Variants in PCED1B observed in about 807,000 individuals in gnomAD.
PCED1B encodes the protein PC-esterase domain-containing protein 1B.
For synonymous variants in PCED1B, 251 were observed against 246.1 expected, an observed-to-expected ratio of 1.02 and a Z score of -0.19; for missense variants, 573 against 573.9, an observed-to-expected ratio of 1.00 and a Z score of 0.02.
chr12:47,092,471 A>T (rs1009707824), intron 1 of PCED1B, among the ~76,000 whole-genome samples: 3 of 152,020 alleles, frequency 2.0e-5, no homozygotes, highest in African/African-American at 7.2e-5. Flanking sequence ...TCTGGAAATG[A>T]CAATTTTATT....
chr12:47,191,981 C>T (rs1164764407), intron 2 of PCED1B, among the ~76,000 whole-genome samples: 5 of 152,098 alleles, frequency 3.3e-5, no homozygotes, highest in African/African-American at 4.8e-5. Context: ...ACTGTTTTCT[C>T]TCTGTACATC....
At chr12:47,089,663 A>T (rs1294286545) in intron 1 of PCED1B, among the ~76,000 whole-genome samples, 1 of 151,696 alleles carries the variant, frequency 6.6e-6, no homozygotes, top group African/African-American at 2.4e-5. Flanking sequence ...ATTGTGCATG[A>T]CAAATCCATT....
intron 2 of PCED1B, among the ~76,000 whole-genome samples, chr12:47,117,747 G>C (rs1251330240): frequency 6.6e-6 from 1 of 152,150 alleles, no homozygotes; most frequent in Non-Finnish European, 1.5e-5. Flanking sequence ...GGCATTTCTA[G>C]TTCTAGATCC....
chr12:47,172,940 TTG>T (rs746621830), intron 2 of PCED1B, among the ~76,000 whole-genome samples: 1 of 152,142 alleles, frequency 6.6e-6, no homozygotes, highest in Non-Finnish European at 1.5e-5. Flanking sequence ...CAAAATGTTT[TTG>T]TGTGTTTGTG....
chr12:47,182,001 G>T (rs1266236422), intron 2 of PCED1B, among the ~76,000 whole-genome samples: 1 of 152,188 alleles, frequency 6.6e-6, no homozygotes, highest in Non-Finnish European at 1.5e-5. Flanking sequence ...CCTTTTCAAA[G>T]AGCACTTTGA....
intron 2 of PCED1B, among the ~76,000 whole-genome samples, chr12:47,114,823 T>C (rs551131554): frequency 6.6e-6 from 1 of 152,312 alleles, no homozygotes; most frequent in East Asian, 1.9e-4. Flanking sequence ...TCTTACTTCA[T>C]GACACAGCAC....
At chr12:47,176,763 T>G (rs1941937560) in intron 2 of PCED1B, among the ~76,000 whole-genome samples, 1 of 152,030 alleles carries the variant, frequency 6.6e-6, no homozygotes, top group African/African-American at 2.4e-5. Context: ...GCATCTGAAG[T>G]GGTGGATAGC....
intron 2 of PCED1B, chr12:47,209,475 G>C (rs1202041564): frequency 2.0e-5 from 3 of 152,070 alleles, no homozygotes; most frequent in Non-Finnish European, 4.4e-5. Flanking sequence ...AACAGAGCAA[G>C]ATTTCGTCTC....
At chr12:47,130,765 G>A (rs1271891334) in intron 2 of PCED1B, among the ~76,000 whole-genome samples, 1 of 152,128 alleles carries the variant, frequency 6.6e-6, no homozygotes, top group African/African-American at 2.4e-5. Context: ...AAGAAAAGAA[G>A]TGTGTGGTCA....
intron 1 of PCED1B, among the ~76,000 whole-genome samples, chr12:47,083,260 A>G (rs1937828028): frequency 6.6e-6 from 1 of 152,040 alleles, no homozygotes; most frequent in Admixed American, 6.5e-5. Flanking sequence ...GGGCTTTCAC[A>G]TTCTTTATCT....
In PCED1B at chr12:47,214,947, C is replaced by T. The variant is rs143367630; in HGVS notation, c.-525-1275C>T. Among the ~76,000 whole-genome samples the T allele has an allele frequency of 3.3e-3, 505 of 152,042 alleles. 3 individuals are homozygous for T. The highest frequency in any genetic ancestry group is 8.8e-3 in the African/African-American group (366 of 41,482). Reference sequence around the variant, plus strand: ...TGTTGCCCAGGCTGAGGTGCAGTGGCGCAATCTCGGCTTGCTGCAACCTAC... The same window carrying T: ...TGTTGCCCAGGCTGAGGTGCAGTGGTGCAATCTCGGCTTGCTGCAACCTAC... On this transcript the variant is annotated intron_variant, in intron 2 of 3. Transcript: ENST00000546455.
At chr12:47,135,829 C>T (rs1940337258) in intron 2 of PCED1B, 2 of 477,472 alleles carry the variant, frequency 4.2e-6, no homozygotes, top group Middle Eastern at 3.7e-4. Context: ...TCATGCTTCT[C>T]CTTGAGCATC....
rs975554387 is a variant in PCED1B at position 47,162,967 on chromosome 12, C to T, written c.-525-53255C>T. Among the ~76,000 whole-genome samples, 11 of 152,108 alleles carry T rather than the reference C, an allele frequency of 7.2e-5. No individual in the cohort carries two copies. In the South Asian group the frequency reaches 8.3e-4, roughly 11 times the overall value. On this transcript the variant is annotated intron_variant, in intron 2 of 3. Transcript: ENST00000546455. The stretch of plus-strand genomic sequence containing the variant: ...GATGGGTTTTTCTATTTCTGAATAT[C>T]TATCTTTGGAATTTTAATAGGGATT...
rs748729662 is a variant in PCED1B at position 47,155,135 on chromosome 12, T to C, written c.-526+50940T>C. On this transcript the variant is annotated intron_variant, in intron 2 of 3. Coordinates refer to ENST00000546455, the MANE Select transcript of PCED1B (RefSeq NM_138371.3). ...GGAAAGATGAGATGAGTACTTGCCA[T>C]GAATCTTATCTTTTCTGTCAGAGAT... 9.2e-5 allele frequency among the ~76,000 whole-genome samples: 14 copies of C among 152,328 alleles called. 1 individual carries two copies. The South Asian group carries it at 1.9e-3, about 20-fold the overall frequency.
At chr12:47,125,809 C>T (rs781663180) in intron 2 of PCED1B, among the ~76,000 whole-genome samples, 3 of 152,024 alleles carry the variant, frequency 2.0e-5, no homozygotes, top group Non-Finnish European at 4.4e-5. Context: ...TGATTGTTCA[C>T]TGCCAGTGCA....
At chr12:47,110,390 G>A (rs57351005) in intron 2 of PCED1B, among the ~76,000 whole-genome samples, 132,138 of 151,998 alleles carry the variant, frequency 0.87, 57,935 homozygotes, top group East Asian at 0.95. Flanking sequence ...CAATCCATAG[G>A]ATTCAGCCAA....
At chr12:47,153,670 T>C (rs1302252509) in intron 2 of PCED1B, among the ~76,000 whole-genome samples, 2 of 152,244 alleles carry the variant, frequency 1.3e-5, no homozygotes, top group East Asian at 3.9e-4. Context: ...TTTGAACCTT[T>C]GCATTGCCTT....
intron 2 of PCED1B, among the ~76,000 whole-genome samples, chr12:47,129,932 G>T (rs2137349354): frequency 6.6e-6 from 1 of 152,334 alleles, no homozygotes; most frequent in South Asian, 2.1e-4. Flanking sequence ...AAAAGCAGTG[G>T]TTTTCAAACT....
At chr12:47,198,727 G>T (rs1942679639) in intron 2 of PCED1B, among the ~76,000 whole-genome samples, 2 of 152,282 alleles carry the variant, frequency 1.3e-5, no homozygotes, top group African/African-American at 4.8e-5. Context: ...CACTTTGGGT[G>T]GCCAAGGCAG....
Sources: gnomAD v4.1 joint callset for allele counts (sites outside exome capture counted in the v4.1 genomes callset) on GRCh38, gnomAD v4.1.1 for gene constraint, MANE v1.5 for transcripts, NCBI Gene and HGNC (gene_info 2026-07-23, HGNC 2026-07-21) for gene names.